Variants in PARVB observed in about 807,000 individuals in gnomAD.
The protein encoded by PARVB is parvin beta.
In PARVB, 46 loss-of-function variants were observed where a neutral mutation model predicts 47.0. The observed-to-expected ratio is 0.98, with a 90% confidence interval of 0.77 to 1.25. The LOEUF (loss-of-function observed/expected upper bound fraction) is 1.25. PARVB is among the 50% of genes most tolerant of loss of function. The pLI is 0.00. For synonymous variants in PARVB, 196 were observed against 196.3 expected (o/e 1.00, Z 0.01); for missense variants, 473 against 471.6 (o/e 1.00, Z -0.03).
At chr22:44,044,686 A>G (rs1163621015) in intron 1 of PARVB, among the ~76,000 whole-genome samples, 2 of 149,926 alleles carry the variant, frequency 1.3e-5, no homozygotes, top group African/African-American at 2.5e-5. Context: ...GGGTTTTACC[A>G]TGTTGGCCAG....
chr22:44,069,042 G>A (rs2051594439), intron 1 of PARVB: 2 of 1,389,164 alleles, frequency 1.4e-6, no homozygotes, highest in Admixed American at 3.7e-5. Flanking sequence ...CCCTTGAAGT[G>A]CAAGTCATAG....
rs9614326 is a variant in PARVB at position 44,103,463 on chromosome 22, A to C, written c.273+3340A>C. 5,568 of 152,152 alleles carry C rather than the reference A, an allele frequency of 0.037. 136 individuals are homozygous for C. Among genetic ancestry groups the C allele is most frequent in the Middle Eastern group, 0.084 (25 of 296 alleles). The allele number at this position is 152,152 out of a possible 1,614,324, so 9.4% of individuals were successfully genotyped here. ...CTAGGGTGCCCTCCCCTCACCCCCA[A>C]ACCCCTGCCAAAGAAAAGGCATCAG... On this transcript the variant is annotated intron_variant, in intron 3 of 12. Coordinates refer to ENST00000338758, the MANE Select transcript of PARVB (RefSeq NM_013327.5). This position sits in a 1 kb window ranked among gnomAD's most constrained non-coding sequence, Gnocchi z 4.6.
At chr22:43,999,855 AAAAC>A (rs2050396574) in intron 2 of PARVB, among the ~76,000 whole-genome samples, 1 of 150,044 alleles carries the variant, frequency 6.7e-6, no homozygotes, top group Non-Finnish European at 1.5e-5. Flanking sequence ...AAAAAAAAAA[AAAAC>A]AGCTGGGTGT....
At chr22:44,012,137 C>T (rs1426236752) in intron 2 of PARVB, among the ~76,000 whole-genome samples, 2 of 152,138 alleles carry the variant, frequency 1.3e-5, no homozygotes, top group Non-Finnish European at 2.9e-5. Context: ...TCCCAGTTTT[C>T]CCCCATGGAA....
At chr22:44,090,150 CAT>C (rs1396215133) in intron 1 of PARVB, among the ~76,000 whole-genome samples, 1 of 152,226 alleles carries the variant, frequency 6.6e-6, no homozygotes, top group East Asian at 1.9e-4. Flanking sequence ...CCCACCACCC[CAT>C]GTTACAGATG....
In PARVB at chr22:44,012,153, G is replaced by A. The variant is rs2050530059; in HGVS notation, c.211+12480G>A. Among the ~76,000 whole-genome samples the A allele has an allele frequency of 2.6e-5, 4 of 152,246 alleles. No individual in the cohort carries two copies. The South Asian group carries it at 8.3e-4, about 32-fold the overall frequency. The stretch of plus-strand genomic sequence containing the variant: ...CCCAGTTTTCCCCCATGGAAGACTA[G>A]GAACCAATAACTTGGTACCATGTTA... On this transcript the variant is annotated intron_variant, in intron 2 of 13. Transcript: ENST00000406477.
intron 4 of PARVB, among the ~76,000 whole-genome samples, chr22:44,129,618 G>A (rs181189299): frequency 6.6e-6 from 1 of 152,300 alleles, no homozygotes; most frequent in East Asian, 1.9e-4. Flanking sequence ...GAACACCTGT[G>A]GGACCTACTT....
In PARVB at chr22:44,172,487, G is replaced by C. The variant is rs1252149132; in HGVS notation, c.*3809G>C. 6.2e-6 allele frequency: 1 copy of C among 162,300 alleles called. No homozygotes were observed. The highest frequency in any genetic ancestry group is 1.4e-5 in the Non-Finnish European group (1 of 73,062). 10.1% of individuals were successfully genotyped at this position (162,300 alleles called of 1,614,324 possible). On this transcript the variant is annotated 3_prime_UTR_variant, in exon 13 of 13. Transcript: ENST00000338758. ...GGACAAGGGCAGGAAGGTATTTGCT[G>C]ATTCTCCTTCTCCATGTGACGTGTC...
intron 1 of PARVB, among the ~76,000 whole-genome samples, chr22:44,058,854 G>A (rs942040309): frequency 1.8e-4 from 27 of 150,160 alleles, no homozygotes; most frequent in Admixed American, 1.3e-3. Flanking sequence ...TGCGCCCATC[G>A]GACGTGGATT....
chr22:44,021,931 C>G (rs6006620), upstream of PARVB, among the ~76,000 whole-genome samples: 1 of 152,072 alleles, frequency 6.6e-6, no homozygotes, highest in Admixed American at 6.6e-5. Flanking sequence ...CAGATTTGCC[C>G]GTGCAGCCTC....
At chr22:44,094,937 C>T (rs1053312084) in intron 2 of PARVB, among the ~76,000 whole-genome samples, 2 of 151,502 alleles carry the variant, frequency 1.3e-5, no homozygotes, top group African/African-American at 4.8e-5. Context: ...TCTTCTTCCA[C>T]ACCACGTGGC....
chr22:44,169,881 T>G lies in PARVB; in HGVS notation c.*1203T>G, dbSNP rs2054248963. ...CCACCACACCTGGCTAATTTTTGTA[T>G]TTTTAGTAGAGACGGGGTTTCACCA... On this transcript the variant is annotated 3_prime_UTR_variant, in exon 13 of 13. Transcript: ENST00000338758. 6.7e-6 allele frequency: 1 copy of G among 149,780 alleles called. No individual in the cohort carries two copies. Among genetic ancestry groups the G allele is most frequent in the African/African-American group, 2.6e-5 (1 of 39,178 alleles). The allele number at this position is 149,780 out of a possible 1,614,324, so 9.3% of individuals were successfully genotyped here. A position where few individuals can be genotyped will look rare whatever the true frequency, so the allele number is the denominator to read the frequency against.
intron 1 of PARVB, among the ~76,000 whole-genome samples, chr22:44,030,456 G>C (rs2050805613): frequency 6.6e-6 from 1 of 152,210 alleles, no homozygotes; most frequent in Admixed American, 6.5e-5. Flanking sequence ...GGCCAGCCCT[G>C]GTCGGGGGCT....
chr22:44,103,875 C>A lies in PARVB; in HGVS notation c.273+3752C>A, dbSNP rs1399149347. The A allele has an allele frequency of 1.3e-5, 2 of 152,242 alleles. No homozygotes were observed. The highest frequency in any genetic ancestry group is 4.8e-5 in the African/African-American group (2 of 41,440). 9.4% of individuals were successfully genotyped at this position (152,242 alleles called of 1,614,324 possible). A position where few individuals can be genotyped will look rare whatever the true frequency, so the allele number is the denominator to read the frequency against. ...CTCCACTAGAGAACCCAGAAGGAAC[C>A]CTGGAGCCTCCAGAAGGAACCAGCC... On this transcript the variant is annotated intron_variant, in intron 3 of 12. Transcript: ENST00000338758. The surrounding 1 kb of genome is among the most constrained non-coding windows in gnomAD (Gnocchi z 4.6).
Position 44,014,233 on chromosome 22 carries a change from TG to T in PARVB, c.211+14563del, listed in dbSNP as rs542322726. Among the ~76,000 whole-genome samples the T allele has an allele frequency of 1.3e-3, 196 of 152,190 alleles. 1 individual carries two copies. Among genetic ancestry groups the T allele is most frequent in the African/African-American group, 4.4e-3 (184 of 41,502 alleles). ...GCCCAGATTCTCCAAGGCAAGAGTGTGGGTAAGGGAGGTTGACTGAGATCAC... is the reference window on the plus strand; with the variant it reads ...GCCCAGATTCTCCAAGGCAAGAGTGTGGTAAGGGAGGTTGACTGAGATCAC... On this transcript the variant is annotated intron_variant, in intron 2 of 13. Transcript: ENST00000406477.
chr22:44,010,265 A>G (rs1427185936), intron 2 of PARVB, among the ~76,000 whole-genome samples: 1 of 152,192 alleles, frequency 6.6e-6, no homozygotes, highest in Admixed American at 6.5e-5. Context: ...GAGTGTGCAA[A>G]GGAGAAAGCA....
intron 6 of PARVB, 133 bp downstream of exon 6, chr22:44,133,142 ATG>A: frequency 1.8e-6 from 1 of 568,680 alleles, no homozygotes; most frequent in Non-Finnish European, 3.1e-6. Flanking sequence ...TTTTGACAAA[ATG>A]TGTGTCTCAC....
intron 9 of PARVB, 32 bp downstream of exon 9, chr22:44,147,954 T>C (rs2053723390): frequency 6.3e-7 from 1 of 1,586,224 alleles, no homozygotes; most frequent in Admixed American, 1.7e-5. Flanking sequence ...GGATGTGCTC[T>C]CCCCTGGCTC....
chr22:44,163,754 T>G (rs1259647923), intron 11 of PARVB, 104 bp from the exon 12 acceptor site: 1 of 960,398 alleles, frequency 1.0e-6, no homozygotes, highest in Non-Finnish European at 1.5e-6. Flanking sequence ...GACGTCAGCG[T>G]TGCAGAGGCT....
Sources: allele counts gnomAD v4.1 joint callset (sites outside exome capture counted in the v4.1 genomes callset), GRCh38; gene constraint gnomAD v4.1.1; non-coding constraint Gnocchi (gnomAD v3.1); transcripts MANE v1.5; gene names NCBI Gene and HGNC (gene_info 2026-07-23, HGNC 2026-07-21).